The following RPS6KC1 variants were observed in gnomAD, a reference collection of about 807,000 sequenced individuals.
RPS6KC1 encodes the protein inactive ribosomal protein S6 kinase delta-1.
RPS6KC1 carries 54 observed loss-of-function variants against 103.8 expected under a neutral mutation model. That is an observed-to-expected ratio of 0.52 (90% CI 0.42 to 0.65). The LOEUF (loss-of-function observed/expected upper bound fraction) is 0.65. Among genes scored for constraint, RPS6KC1 ranks in the 30% least tolerant of loss-of-function variants. RPS6KC1 has a pLI of 0.00. For missense variants in RPS6KC1, 1,151 were observed against 1,253.8 expected, an observed-to-expected ratio of 0.92 and a Z score of 1.24; for synonymous variants, 439 against 438.7, an observed-to-expected ratio of 1.00 and a Z score of -0.01.
At chr1:213,332,574 T>C in the RPS6KC1 span, among the ~76,000 whole-genome samples, 1 of 152,202 alleles carries the variant, frequency 6.6e-6, no homozygotes, top group Non-Finnish European at 1.5e-5. Flanking sequence ...TCTCATTAGT[T>C]AATTCGGTGT....
At chr1:213,132,372 C>G (rs1259529261) in intron 6 of RPS6KC1, among the ~76,000 whole-genome samples, 2 of 152,162 alleles carry the variant, frequency 1.3e-5, no homozygotes, top group Non-Finnish European at 2.9e-5. Context: ...TTTATTCAGA[C>G]AAACTATGGG....
the RPS6KC1 span, among the ~76,000 whole-genome samples, chr1:213,369,963 G>A: frequency 3.3e-5 from 5 of 152,176 alleles, no homozygotes; most frequent in African/African-American, 9.7e-5. Flanking sequence ...CTAGGCCAGC[G>A]TGTAAGATGG....
At chr1:213,580,145 G>T in the RPS6KC1 span, among the ~76,000 whole-genome samples, 1 of 152,072 alleles carries the variant, frequency 6.6e-6, no homozygotes, top group African/African-American at 2.4e-5. Context: ...CTTTCTAGAT[G>T]ATGCCATAAA....
chr1:213,376,621 CT>C, the RPS6KC1 span, among the ~76,000 whole-genome samples: 1 of 152,138 alleles, frequency 6.6e-6, no homozygotes, highest in Non-Finnish European at 1.5e-5. Context: ...TTCTCTTTCC[CT>C]TTCTATCCTT....
the RPS6KC1 span, among the ~76,000 whole-genome samples, chr1:213,403,490 C>T: frequency 1.3e-5 from 2 of 152,198 alleles, no homozygotes; most frequent in African/African-American, 2.4e-5. Context: ...TGTGACTTCC[C>T]TTTACCTTGC....
chr1:213,857,360 T>C, the RPS6KC1 span, among the ~76,000 whole-genome samples: 1 of 152,232 alleles, frequency 6.6e-6, no homozygotes, highest in African/African-American at 2.4e-5. Flanking sequence ...TCTTTCTTCA[T>C]GAAAATTATG....
chr1:213,612,898 A>G, the RPS6KC1 span, among the ~76,000 whole-genome samples: 16,089 of 152,296 alleles, frequency 0.11, 1,030 homozygotes, highest in South Asian at 0.2. Flanking sequence ...GAGAATAAAA[A>G]GAAAATGTAT....
chr1:213,179,142 C>G (rs2148334864), intron 8 of RPS6KC1, among the ~76,000 whole-genome samples: 1 of 152,154 alleles, frequency 6.6e-6, no homozygotes, highest in South Asian at 2.1e-4. Flanking sequence ...AGGCCGGGAG[C>G]TGTGGCTCAT....
At chr1:213,212,310 A>G (rs1168378173) in intron 8 of RPS6KC1, among the ~76,000 whole-genome samples, 1 of 151,710 alleles carries the variant, frequency 6.6e-6, no homozygotes, top group Admixed American at 6.6e-5. Context: ...CCAGAATGTC[A>G]TATAGTTGGA....
chr1:213,538,867 T>C, the RPS6KC1 span, among the ~76,000 whole-genome samples: 1 of 152,196 alleles, frequency 6.6e-6, no homozygotes, highest in Non-Finnish European at 1.5e-5. Context: ...CAGGGTTCTG[T>C]GATAGAGAAT....
chr1:213,112,525 A>G (rs963524306), intron 4 of RPS6KC1, among the ~76,000 whole-genome samples: 41 of 151,572 alleles, frequency 2.7e-4, no homozygotes, highest in Non-Finnish European at 2.1e-4. Flanking sequence ...CCTATATTGT[A>G]TACAAGTGGT....
chr1:213,401,605 C>T, the RPS6KC1 span, among the ~76,000 whole-genome samples: 1 of 152,150 alleles, frequency 6.6e-6, no homozygotes, highest in Admixed American at 6.5e-5. Flanking sequence ...AATGAAATGT[C>T]TCCCATCCCC....
the RPS6KC1 span, among the ~76,000 whole-genome samples, chr1:213,675,087 T>C: frequency 2.6e-5 from 4 of 152,224 alleles, no homozygotes; most frequent in African/African-American, 9.6e-5. Context: ...ATTCTGCAGG[T>C]TGTCTGTCTA....
At chr1:213,706,901 C>G in the RPS6KC1 span, among the ~76,000 whole-genome samples, 123,032 of 152,100 alleles carry the variant, frequency 0.81, 49,790 homozygotes, top group African/African-American at 0.83. Flanking sequence ...TGGCTGCATA[C>G]TATTCCATGG....
the RPS6KC1 span, among the ~76,000 whole-genome samples, chr1:213,700,084 T>C: frequency 6.6e-6 from 1 of 152,084 alleles, no homozygotes; most frequent in African/African-American, 2.4e-5. Flanking sequence ...TCTACTTTGG[T>C]TGCTTGAGCT....
the RPS6KC1 span, among the ~76,000 whole-genome samples, chr1:213,626,036 A>C: frequency 1.3e-5 from 2 of 152,246 alleles, no homozygotes; most frequent in Non-Finnish European, 2.9e-5. Context: ...AGTAGTTCAC[A>C]GTCCCACCAA....
At chr1:213,054,130 T>G (rs2077158086) in intron 1 of RPS6KC1, among the ~76,000 whole-genome samples, 1 of 152,178 alleles carries the variant, frequency 6.6e-6, no homozygotes, top group African/African-American at 2.4e-5. Flanking sequence ...GCCACCGCAT[T>G]GGCCAAATTC....
the RPS6KC1 span, among the ~76,000 whole-genome samples, chr1:213,466,016 G>A: frequency 6.6e-6 from 1 of 152,096 alleles, no homozygotes; most frequent in South Asian, 2.1e-4. Context: ...GGCTTTGGGG[G>A]GCAGAATGCA....
chr1:213,702,846 G>GCTTT, the RPS6KC1 span, among the ~76,000 whole-genome samples: 1 of 128,682 alleles, frequency 7.8e-6, no homozygotes. Flanking sequence ...GATCATTGAG[G>GCTTT]TTTTTTTTGT....
Sources: gnomAD v4.1 joint callset for allele counts (sites outside exome capture counted in the v4.1 genomes callset) on GRCh38, gnomAD v4.1.1 for gene constraint, MANE v1.5 for transcripts, NCBI Gene and HGNC (gene_info 2026-07-23, HGNC 2026-07-21) for gene names.